JAKMIP2: variants seen among roughly 807,000 people sequenced by gnomAD.
The protein encoded by JAKMIP2 is janus kinase and microtubule interacting protein 2.
A neutral mutation model predicts 115.0 loss-of-function variants in JAKMIP2; 25 were observed. The observed-to-expected ratio is 0.22, with a 90% CI of 0.16 to 0.30. JAKMIP2 has a LOEUF of 0.30. Ranked by LOEUF, JAKMIP2 falls within the 10% of genes least tolerant of loss-of-function variation. JAKMIP2 has a pLI of 1.00. For missense variants in JAKMIP2, 642 were observed against 957.6 expected, an observed-to-expected ratio of 0.67 and a Z score of 4.35; for synonymous variants, 334 against 343.6, an observed-to-expected ratio of 0.97 and a Z score of 0.31.
At chr5:147,599,011 G>A (rs181311331) in intron 21 of JAKMIP2, among the ~76,000 whole-genome samples, 91 of 152,202 alleles carry the variant, frequency 6.0e-4, no homozygotes, top group Admixed American at 2.8e-3. Flanking sequence ...ATTATTCCCT[G>A]AGAAGAGGAG....
intron 5 of JAKMIP2, among the ~76,000 whole-genome samples, chr5:147,647,770 T>G (rs1202453402): frequency 6.6e-6 from 1 of 152,178 alleles, no homozygotes; most frequent in Non-Finnish European, 1.5e-5. Context: ...GCTGACTACA[T>G]CCATACTCTA....
At chr5:147,728,845 G>A (rs1753617270) in intron 1 of JAKMIP2, among the ~76,000 whole-genome samples, 1 of 152,128 alleles carries the variant, frequency 6.6e-6, no homozygotes, top group Non-Finnish European at 1.5e-5. Flanking sequence ...ACCTGCTTTA[G>A]AGCCATTAGA....
intron 21 of JAKMIP2, among the ~76,000 whole-genome samples, chr5:147,599,878 C>T (rs1224948151): frequency 3.3e-5 from 5 of 152,038 alleles, no homozygotes; most frequent in Non-Finnish European, 5.9e-5. Context: ...CAATACCTAT[C>T]CCACAGGGGA....
chr5:147,779,200 A>G lies in JAKMIP2; in HGVS notation c.-149+3256T>C, dbSNP rs576913573. Among the ~76,000 whole-genome samples, 5 of 152,284 alleles carry G rather than the reference A, an allele frequency of 3.3e-5. No individual in the cohort carries two copies. The South Asian group carries it at 1.0e-3, about 32-fold the overall frequency. ...GCACATAAAATCAAAATATGTTCTG[A>G]TGTCACTTGAAATAAGAAACATCCT... On this transcript the variant is annotated intron_variant, in intron 1 of 21. Transcript: ENST00000616793.
rs536637013 is a variant in JAKMIP2, at chr5:147,749,942, T to A, written c.-149+32514A>T. On this transcript the variant is annotated intron_variant, in intron 1 of 21. Transcript: ENST00000616793. Reference sequence around the variant, plus strand: ...TATCCATTCCAAACCAGTTTCCCCATCTATAAATAGAAGATAAGAATAATA... The same window carrying A: ...TATCCATTCCAAACCAGTTTCCCCAACTATAAATAGAAGATAAGAATAATA... Among the ~76,000 whole-genome samples, 86 of 152,302 alleles carry A rather than the reference T, an allele frequency of 5.6e-4. 1 individual carries two copies. Among genetic ancestry groups the A allele is most frequent in the South Asian group, 4.1e-3 (20 of 4,826 alleles).
rs1304765648 is a variant in JAKMIP2, at chr5:147,641,762, G to T, written c.1227C>A (p.Asp409Glu). The T allele has an allele frequency of 6.2e-7, 1 of 1,612,498 alleles. No individual in the cohort carries two copies. Among genetic ancestry groups the T allele is most frequent in the Non-Finnish European group, 8.5e-7 (1 of 1,178,776 alleles). Reference sequence around the variant, plus strand: ...TTCTTCTACGGATGAGCTTTTCTCGGTCCTGGAAAACAGATGAAAGATTTT... The same window carrying T: ...TTCTTCTACGGATGAGCTTTTCTCGTTCCTGGAAAACAGATGAAAGATTTT... Reference protein sequence around the residue: ...QQNIIDELTRDREKLIRRRKH... With the variant: ...QQNIIDELTREREKLIRRRKH... The change falls in exon 8 of 22, where the codon GAC (aspartate) becomes GAA (glutamate). Residue 409 changes from aspartate to glutamate, a missense_variant and splice_region_variant. Asp to Glu is a conservative substitution (Grantham distance 45). This residue lies in a region of JAKMIP2 where 439 missense variants were observed against 570.9 expected (regional missense o/e 0.77). Transcript: ENST00000616793.
chr5:147,639,869 T>A, intron 9 of JAKMIP2, 109 bp from the exon 10 acceptor site: 1 of 1,296,740 alleles, frequency 7.7e-7, no homozygotes, highest in Non-Finnish European at 1.1e-6. Context: ...AAAGGTTGTT[T>A]AACAGTCTAT....
At chr5:147,600,802 A>G (rs1755654503) in intron 21 of JAKMIP2, among the ~76,000 whole-genome samples, 1 of 152,146 alleles carries the variant, frequency 6.6e-6, no homozygotes, top group Admixed American at 6.6e-5. Flanking sequence ...GGGAATCACT[A>G]AGATTATTTA....
intron 1 of JAKMIP2, among the ~76,000 whole-genome samples, chr5:147,691,901 T>C (rs1319772353): frequency 1.3e-5 from 2 of 151,974 alleles, no homozygotes; most frequent in Non-Finnish European, 2.9e-5. Flanking sequence ...TGTCCTTCTC[T>C]CAAGTCTTTA....
intron 1 of JAKMIP2, among the ~76,000 whole-genome samples, chr5:147,760,191 A>G (rs1027552096): frequency 6.6e-6 from 1 of 152,070 alleles, no homozygotes; most frequent in Admixed American, 6.6e-5. Context: ...TTGTAAACAC[A>G]TTAGTGGAAA....
At chr5:147,673,618 G>C (rs925363474) in intron 1 of JAKMIP2, among the ~76,000 whole-genome samples, 2 of 152,166 alleles carry the variant, frequency 1.3e-5, no homozygotes, top group African/African-American at 4.8e-5. Context: ...TGCTGGAGTT[G>C]TCCTTCACGC....
chr5:147,778,427 C>A (rs916641669), intron 1 of JAKMIP2, among the ~76,000 whole-genome samples: 4 of 151,998 alleles, frequency 2.6e-5, no homozygotes, highest in African/African-American at 9.7e-5. Flanking sequence ...CCACACAACA[C>A]AGATTAGTAA....
At chr5:147,718,225 G>T (rs1439757623) in intron 1 of JAKMIP2, among the ~76,000 whole-genome samples, 2 of 151,434 alleles carry the variant, frequency 1.3e-5, no homozygotes, top group Non-Finnish European at 2.9e-5. Context: ...TAAGCTTTTT[G>T]ATGTGCTGCT....
intron 1 of JAKMIP2, among the ~76,000 whole-genome samples, chr5:147,766,327 G>T (rs1755155388): frequency 6.6e-6 from 1 of 152,104 alleles, no homozygotes; most frequent in Non-Finnish European, 1.5e-5. Context: ...CTTTTCTGTA[G>T]AATTTTTTTT....
At chr5:147,720,834 C>T (rs2126940696) in intron 1 of JAKMIP2, among the ~76,000 whole-genome samples, 1 of 152,186 alleles carries the variant, frequency 6.6e-6, no homozygotes, top group Admixed American at 6.5e-5. Context: ...CATCTGAAGC[C>T]TTCTTCTCTC....
intron 1 of JAKMIP2, among the ~76,000 whole-genome samples, chr5:147,726,367 G>A (rs543626480): frequency 2.4e-4 from 37 of 152,220 alleles, no homozygotes; most frequent in Admixed American, 1.4e-3. Context: ...GTGGTGTGGC[G>A]AGCCAAGTCA....
At chr5:147,653,938 G>T (rs1251613116) in intron 3 of JAKMIP2, among the ~76,000 whole-genome samples, 1 of 152,182 alleles carries the variant, frequency 6.6e-6, no homozygotes, top group African/African-American at 2.4e-5. Flanking sequence ...TGCCTAGCCA[G>T]TTTTCCCAGC....
rs1753303619 is a variant in JAKMIP2, at chr5:147,721,653, A to C, written c.-148-49699T>G. 2.0e-5 allele frequency among the ~76,000 whole-genome samples: 3 copies of C among 152,060 alleles called. No individual in the cohort carries two copies. The South Asian group carries it at 6.2e-4, about 32-fold the overall frequency. On this transcript the variant is annotated intron_variant, in intron 1 of 21. Transcript: ENST00000616793. ...ACCCCTTTCTTTGACTCGGAAAGGG[A>C]ACTCCCTGACCCCTTGCGCTTCCCA...
intron 1 of JAKMIP2, among the ~76,000 whole-genome samples, chr5:147,746,860 T>C (rs1479085753): frequency 6.6e-6 from 1 of 152,208 alleles, no homozygotes; most frequent in African/African-American, 2.4e-5. Context: ...GTTTGTTTAA[T>C]GATTCCTATA....
Sources: gnomAD v4.1 joint callset for allele counts (sites outside exome capture counted in the v4.1 genomes callset) on GRCh38, gnomAD v4.1.1 for gene constraint, gnomAD v4.1.1 regional missense constraint, MANE v1.5 for transcripts, NCBI Gene and HGNC (gene_info 2026-07-23, HGNC 2026-07-21) for gene names.